The following CYP4F3 variants were observed in gnomAD, a reference collection of about 807,000 sequenced individuals.
CYP4F3 encodes the protein cytochrome P450 4F3.
Under a neutral mutation model 54.8 loss-of-function variants are expected in CYP4F3, and 50 were observed. The observed-to-expected ratio is 0.91, with a 90% CI of 0.73 to 1.16. The LOEUF is 1.16. CYP4F3 is among the 50% of genes most tolerant of loss of function. The pLI is 0.00. For synonymous variants in CYP4F3, 244 were observed against 262.6 expected, an observed-to-expected ratio of 0.93 and a Z score of 0.69; for missense variants, 715 against 676.2, an observed-to-expected ratio of 1.06 and a Z score of -0.64.
At chr19:15,649,610 C>T (rs569676137) in intron 6 of CYP4F3, among the ~76,000 whole-genome samples, 2 of 152,012 alleles carry the variant, frequency 1.3e-5, no homozygotes, top group Non-Finnish European at 2.9e-5. Flanking sequence ...TTGTGGACAG[C>T]TTCAGGAAGG....
intron 3 of CYP4F3, 124 bp from the exon 4 acceptor site, chr19:15,646,928 C>G (rs1972642899): frequency 7.1e-7 from 1 of 1,403,468 alleles, no homozygotes; most frequent in Non-Finnish European, 9.8e-7. Flanking sequence ...TCCCCTTGAC[C>G]CTCTTCTTGC....
rs1014891814 is a variant in CYP4F3, at chr19:15,659,507, A to C, written c.*122A>C. ...ATTCCATCCTAGATATCTACTCAAA[A>C]TAATTGAGACAAGTGTTCAAACAGA... On this transcript the variant is annotated 3_prime_UTR_variant, in exon 13 of 13. Transcript: ENST00000221307. 3.6e-6 allele frequency: 4 copies of C among 1,108,848 alleles called. No individual in the cohort carries two copies. In the African/African-American group the frequency reaches 6.6e-5, roughly 18 times the overall value. The allele number at this position is 1,108,848 out of a possible 1,614,324, so 68.7% of individuals were successfully genotyped here.
chr19:15,652,642 G>A lies in CYP4F3; in HGVS notation c.985+7G>A, dbSNP rs762429530. The A allele has an allele frequency of 3.7e-6, 6 of 1,614,026 alleles. No homozygotes were observed. In the East Asian group the frequency reaches 1.3e-4, roughly 36 times the overall value. ...GACACCTTTATGTTTGAGGGTGAGG[G>A]CCCCAGTGTGGGGCTAGAGTGGGGA... On this transcript the variant is annotated splice_region_variant and intron_variant, in intron 8 of 12. Transcript: ENST00000221307.
intron 2 of CYP4F3, among the ~76,000 whole-genome samples, chr19:15,644,594 A>AGGG (rs1972570464): frequency 6.6e-6 from 1 of 151,574 alleles, no homozygotes; most frequent in Non-Finnish European, 1.5e-5. Context: ...TAGAACAATG[A>AGGG]GGACTTGTGG....
At chr19:15,652,058 T>TAGAGAGAG (rs28371482) in intron 7 of CYP4F3, among the ~76,000 whole-genome samples, 376 of 150,494 alleles carry the variant, frequency 2.5e-3, no homozygotes, top group African/African-American at 7.7e-3. Flanking sequence ...ACATTTTCTA[T>TAGAGAGAG]AGAGAGAGAG....
intron 3 of CYP4F3, 104 bp from the exon 4 acceptor site, chr19:15,646,948 C>A: frequency 6.6e-7 from 1 of 1,510,644 alleles, no homozygotes; most frequent in Non-Finnish European, 9.0e-7. Flanking sequence ...CTATGTGGGG[C>A]TTGGAGGGAA....
rs1290718983 is a variant in CYP4F3 at position 15,647,277 on chromosome 19, C to T, written c.478C>T (p.Leu160=). Residue 160 remains leucine, a synonymous_variant, in exon 5 of 13, where the codon CTG becomes TTG. Coordinates refer to ENST00000221307, the MANE Select transcript of CYP4F3 (RefSeq NM_000896.3). ...MLTPAFHFNI[L]KPYMKIFNES... ...GACGCCTGCCTTCCATTTCAACATC[C>T]TGAAGCCCTATATGAAGATTTTCAA... The T allele has an allele frequency of 6.2e-7, 1 of 1,614,254 alleles. No homozygotes were observed.
Position 15,652,931 on chromosome 19 carries a change from G to C in CYP4F3, c.1094G>C (p.Arg365Pro), listed in dbSNP as rs573278241. 1.9e-6 allele frequency: 3 copies of C among 1,610,668 alleles called. No homozygotes were observed. In the South Asian group the frequency reaches 3.3e-5, roughly 18 times the overall value. The change falls in exon 9 of 13, where the codon CGT becomes CCT. Residue 365 changes from arginine (R) to proline (P), a missense_variant. By Grantham distance (103) the Arg-to-Pro change is moderately radical (BLOSUM62 -2). Coordinates refer to ENST00000221307, the MANE Select transcript of CYP4F3 (RefSeq NM_000896.3). Reference sequence around the variant, plus strand: ...GAGGTGCAAGAGCTTCTGAAGGACCGTGAGCCTAAAGAGATTGAATGGTGA... The same window carrying C: ...GAGGTGCAAGAGCTTCTGAAGGACCCTGAGCCTAAAGAGATTGAATGGTGA... ...RQEVQELLKDREPKEIEWDDL... is the reference protein window; with the variant it reads ...RQEVQELLKDPEPKEIEWDDL...
At chr19:15,655,989 C>T (rs1973000504) in intron 9 of CYP4F3, among the ~76,000 whole-genome samples, 1 of 152,128 alleles carries the variant, frequency 6.6e-6, no homozygotes, top group Non-Finnish European at 1.5e-5. Context: ...CTAAAGGCAC[C>T]AGGCTGGGCA....
chr19:15,654,687 TCA>T (rs1458286766), intron 9 of CYP4F3, among the ~76,000 whole-genome samples: 1 of 152,280 alleles, frequency 6.6e-6, no homozygotes. Context: ...TGACAAAATT[TCA>T]GTCTTTTAAA....
intron 12 of CYP4F3, 52 bp downstream of exon 12, chr19:15,658,861 T>C: frequency 6.3e-7 from 1 of 1,589,610 alleles, no homozygotes; most frequent in Non-Finnish European, 8.6e-7. Context: ...TGCAGGGGTC[T>C]GGGCATGACA....
intron 9 of CYP4F3, 63 bp downstream of exon 9, chr19:15,653,015 G>A: frequency 1.3e-6 from 2 of 1,537,274 alleles, no homozygotes; most frequent in South Asian, 2.5e-5. Flanking sequence ...CCCCAGGTAG[G>A]GAGGGGAGAA....
chr19:15,654,318 T>C (rs1205668290), intron 9 of CYP4F3, among the ~76,000 whole-genome samples: 1 of 152,264 alleles, frequency 6.6e-6, no homozygotes, highest in Non-Finnish European at 1.5e-5. Flanking sequence ...ATATAATTGA[T>C]AAAGATCAAA....
At chr19:15,654,791 T>A (rs1972970124) in intron 9 of CYP4F3, among the ~76,000 whole-genome samples, 1 of 152,260 alleles carries the variant, frequency 6.6e-6, no homozygotes, top group Admixed American at 6.5e-5. Flanking sequence ...ATATTTTCGT[T>A]GTTGTGAATA....
At position 15,652,901 on chromosome 19, in the gene CYP4F3, G is replaced by A. The variant is rs141822395; in HGVS notation, c.1064G>A (p.Arg355Gln). The change falls in exon 9 of 13, where the codon CGG becomes CAG. Residue 355 changes from arginine to glutamine, a missense_variant. By Grantham distance (43) the Arg-to-Gln change is conservative. Coordinates refer to ENST00000221307, the MANE Select transcript of CYP4F3 (RefSeq NM_000896.3). ...CACCCGGAATACCAGGAGCGCTGTCGGCAGGAGGTGCAAGAGCTTCTGAAG... is the reference window on the plus strand; with the variant it reads ...CACCCGGAATACCAGGAGCGCTGTCAGCAGGAGGTGCAAGAGCTTCTGAAG... Reference protein sequence around the residue: ...AKHPEYQERCRQEVQELLKDR... With the variant: ...AKHPEYQERCQQEVQELLKDR... 7.7e-5 allele frequency: 125 copies of A among 1,613,784 alleles called. No homozygotes were observed. Among genetic ancestry groups the A allele is most frequent in the African/African-American group, 1.2e-4 (9 of 75,022 alleles).
rs4343408 is a variant in CYP4F3, at chr19:15,661,720, C to T, written c.*2335C>T. On this transcript the variant is annotated 3_prime_UTR_variant, in exon 13 of 13. Coordinates refer to ENST00000221307, the MANE Select transcript of CYP4F3 (RefSeq NM_000896.3). Reference sequence around the variant, plus strand: ...AAGTTTCTTTCTTTCATAGAGCAAACGTTTTAAATTTTTATGAAGTAAGAC... The same window carrying T: ...AAGTTTCTTTCTTTCATAGAGCAAATGTTTTAAATTTTTATGAAGTAAGAC... 0.45 allele frequency: 68,223 copies of T among 151,928 alleles called. 15,792 individuals carry two copies. Among genetic ancestry groups the T allele is most frequent in the East Asian group, 0.53 (2,768 of 5,178 alleles). The allele number at this position is 151,928 out of a possible 1,614,324, so 9.4% of individuals were successfully genotyped here.
chr19:15,641,446 C>T lies in CYP4F3; in HGVS notation c.31C>T (p.Leu11Phe). 1 of 1,614,212 alleles carries T rather than the reference C, an allele frequency of 6.2e-7. No homozygotes were observed. The highest frequency in any genetic ancestry group is 8.5e-7 in the Non-Finnish European group (1 of 1,180,042). The change falls in exon 2 of 13, where the codon CTT (leucine) becomes TTT (phenylalanine). Residue 11 changes from leucine to phenylalanine, a missense_variant. Transcript: ENST00000221307. ...ACAGCTGAGCCTGTCCTCGCTGGGC[C>T]TTTGGCCAATGGCAGCATCCCCGTG... is the stretch of plus-strand genomic sequence containing the variant. MPQLSLSSLG[L>F]WPMAASPWLL...
intron 9 of CYP4F3, among the ~76,000 whole-genome samples, chr19:15,656,002 A>C (rs1973000840): frequency 6.6e-6 from 1 of 152,226 alleles, no homozygotes; most frequent in South Asian, 2.1e-4. Flanking sequence ...GCTGGGCAGC[A>C]GATCTCAAAA....
intron 2 of CYP4F3, chr19:15,643,930 G>C: frequency 1.2e-6 from 2 of 1,601,354 alleles, no homozygotes; most frequent in Non-Finnish European, 1.7e-6. Context: ...AGCAGGGCAT[G>C]AGGGTCCTGA....
Sources: allele counts gnomAD v4.1 joint callset (sites outside exome capture counted in the v4.1 genomes callset), GRCh38; gene constraint gnomAD v4.1.1; transcripts MANE v1.5; gene names NCBI Gene and HGNC (gene_info 2026-07-23, HGNC 2026-07-21).